Variants in ABR observed in about 807,000 individuals in gnomAD.
The protein encoded by ABR is ABR activator of RhoGEF and GTPase, also known as active breakpoint cluster region-related protein.
A neutral mutation model predicts 107.2 loss-of-function variants in ABR; 35 were observed. The ratio of observed to expected loss-of-function variants is 0.33; its 90% confidence interval spans 0.25 to 0.43. ABR has a LOEUF of 0.43. Ranked by LOEUF, ABR falls within the 20% of genes least tolerant of loss-of-function variation. The pLI is 1.00. For synonymous variants in ABR, 498 were observed against 462.0 expected (o/e 1.08, Z -1.00); for missense variants, 815 against 1,115.2 (o/e 0.73, Z 3.83).
intron 1 of ABR, among the ~76,000 whole-genome samples, chr17:1,161,644 T>C (rs2041298901): frequency 6.6e-6 from 1 of 151,068 alleles, no homozygotes; most frequent in African/African-American, 2.4e-5. Context: ...AATCTCCGCC[T>C]CCAGGGTTCA....
At chr17:1,107,906 T>G (rs1364121573) in intron 2 of ABR, among the ~76,000 whole-genome samples, 1 of 152,206 alleles carries the variant, frequency 6.6e-6, no homozygotes, top group Non-Finnish European at 1.5e-5. Context: ...TTACCTCCAT[T>G]GGCTCCTCCT....
At chr17:1,118,511 T>TC (rs2039165216) in intron 2 of ABR, among the ~76,000 whole-genome samples, 1 of 16,300 alleles carries the variant, frequency 6.1e-5, no homozygotes, top group East Asian at 1.0e-3. Flanking sequence ...CCTGAGTTCC[T>TC]CCCAGCGTTA....
chr17:1,118,334 GTCCTCCCAGCATTATCCCTGAGCCTGAGT>G (rs2039148268), intron 2 of ABR, among the ~76,000 whole-genome samples: 8 of 23,794 alleles, frequency 3.4e-4, no homozygotes, highest in East Asian at 8.4e-4. Flanking sequence ...CTGAGCCTGA[GTCCTCCCAGCATTATCCCTGAGCCTGAGT>G]TCCTCCCAGC....
At chr17:1,057,307 TTTGTGTGTGTGTGTGTGTG>T (rs1567668730) in intron 12 of ABR, among the ~76,000 whole-genome samples, 1 of 12,942 alleles carries the variant, frequency 7.7e-5, no homozygotes, top group East Asian at 5.9e-3. Flanking sequence ...ACTGAAGAGG[TTTGTGTGTGTGTGTGTGTG>T]TGTGTGTGTG....
intron 16 of ABR, among the ~76,000 whole-genome samples, chr17:1,015,747 C>G (rs1310653988): frequency 6.6e-6 from 1 of 152,168 alleles, no homozygotes; most frequent in Non-Finnish European, 1.5e-5. Context: ...CGTGAGCCAC[C>G]GCGCCTGGCC....
Position 1,070,044 on chromosome 17 carries a change from C to T in ABR, c.941G>A (p.Ser314Asn). ...KDGFLVEVSE[S>N]SRKLRHVFLF... Reference sequence around the variant, plus strand: ...GAAGACGTGCCGCAGCTTCCGGGAGCTCTCTGACACTTCCACCAGGAAGCC... The same window carrying T: ...GAAGACGTGCCGCAGCTTCCGGGAGTTCTCTGACACTTCCACCAGGAAGCC... Residue 314 changes from serine to asparagine, a missense_variant, in exon 9 of 23, where the codon AGC becomes AAC. By Grantham distance (46) the Ser-to-Asn change is conservative. Around this residue, in one of 5 missense-constraint regions of ABR, gnomAD observed 385 missense variants for 596.9 expected, o/e 0.64. Coordinates refer to ENST00000302538, the MANE Select transcript of ABR (RefSeq NM_021962.5). This position sits in a 1 kb window ranked among gnomAD's most constrained non-coding sequence, Gnocchi z 4.2. The T allele has an allele frequency of 6.2e-7, 1 of 1,613,726 alleles. No homozygotes were observed.
chr17:1,101,883 G>A lies in ABR; in HGVS notation c.247-1148C>T, dbSNP rs550670608. On this transcript the variant is annotated intron_variant, in intron 2 of 22. Transcript: ENST00000302538. ...CGAGTAGCTGGGACTACAGGCTCCCGCCACCACGCCCAGCTAACTTTTTGT... is the reference window on the plus strand; with the variant it reads ...CGAGTAGCTGGGACTACAGGCTCCCACCACCACGCCCAGCTAACTTTTTGT... Among the ~76,000 whole-genome samples the A allele has an allele frequency of 5.0e-3, 758 of 151,990 alleles. 5 individuals are homozygous for A. Among genetic ancestry groups the A allele is most frequent in the African/African-American group, 0.017 (691 of 41,470 alleles).
At chr17:1,213,627 G>A (rs1002372033) in intron 1 of ABR, among the ~76,000 whole-genome samples, 40 of 152,130 alleles carry the variant, frequency 2.6e-4, no homozygotes, top group Admixed American at 8.5e-4. Flanking sequence ...TCCTGACCTC[G>A]TGACTCACCC....
chr17:1,044,739 C>T (rs756949784), intron 16 of ABR, among the ~76,000 whole-genome samples: 8 of 152,122 alleles, frequency 5.3e-5, no homozygotes, highest in South Asian at 2.1e-4. Context: ...TGCAGCTCCC[C>T]GCCACCCCTG....
At chr17:1,031,604 T>G (rs1157440634) in intron 16 of ABR, 2 of 1,199,476 alleles carry the variant, frequency 1.7e-6, no homozygotes, top group African/African-American at 3.2e-5. Flanking sequence ...GCACCTTGTT[T>G]CGGAGCAGCT....
chr17:1,041,020 C>A (rs375739428), intron 16 of ABR, among the ~76,000 whole-genome samples: 3 of 152,248 alleles, frequency 2.0e-5, no homozygotes, highest in East Asian at 3.9e-4. Context: ...TCCTGGTTCA[C>A]ACCATTCTCC....
Position 1,071,848 on chromosome 17 carries a change from G to T in ABR, c.894+766C>A, listed in dbSNP as rs2035265666. On this transcript the variant is annotated intron_variant, in intron 8 of 22. Transcript: ENST00000302538. The surrounding 1 kb of genome is among the most constrained non-coding windows in gnomAD (Gnocchi z 5.1). The stretch of plus-strand genomic sequence containing the variant: ...CCAGCTCTGACACCAGTGGCTGAAA[G>T]ACTGCGTGGTGGACCTGGAGAGACT... 6.6e-6 allele frequency among the ~76,000 whole-genome samples: 1 copy of T among 152,276 alleles called. No homozygotes were observed. The highest frequency in any genetic ancestry group is 1.5e-5 in the Non-Finnish European group (1 of 68,046).
intron 1 of ABR, among the ~76,000 whole-genome samples, chr17:1,164,942 G>A (rs566928319): frequency 1.3e-5 from 2 of 152,146 alleles, no homozygotes; most frequent in Non-Finnish European, 2.9e-5. Context: ...AGCCATATGG[G>A]ATATACTTAT....
chr17:1,032,661 C>CAGAGGACGCCACGGGCAACCACCCG (rs1407110844), intron 16 of ABR, among the ~76,000 whole-genome samples: 18 of 148,950 alleles, frequency 1.2e-4, no homozygotes, highest in African/African-American at 2.2e-4. Context: ...GTGCTGGGCG[C>CAGAGGACGCCACGGGCAACCACCCG]CTTGAGAGAG....
intron 16 of ABR, among the ~76,000 whole-genome samples, chr17:1,044,442 G>T (rs2031239437): frequency 1.3e-5 from 2 of 152,150 alleles, no homozygotes. Context: ...CTGAGCTCAG[G>T]AGTTTGAGAC....
intron 16 of ABR, among the ~76,000 whole-genome samples, chr17:1,022,978 C>T (rs1431394526): frequency 6.6e-6 from 1 of 152,242 alleles, no homozygotes; most frequent in Non-Finnish European, 1.5e-5. Context: ...TCCATTCTAG[C>T]ACCTCTGCCT....
At chr17:1,128,885 G>A (rs2039707679) in intron 1 of ABR, among the ~76,000 whole-genome samples, 1 of 134,534 alleles carries the variant, frequency 7.4e-6, no homozygotes, top group African/African-American at 2.9e-5. Flanking sequence ...GGGAGTCCAG[G>A]TCACTGAGGG....
intron 10 of ABR, among the ~76,000 whole-genome samples, chr17:1,066,857 C>G (rs1182743095): frequency 2.6e-5 from 4 of 152,112 alleles, no homozygotes; most frequent in African/African-American, 9.7e-5. Context: ...TCGTGTTCAA[C>G]ATGCACTGCT....
At position 1,078,724 on chromosome 17, in the gene ABR, T is replaced by C; in HGVS notation, c.700+606A>G. ...CGCCCACCCTCCTTCCCTGCGGCCCTCTAACCTCCCCGGCCACATCTAAGC... is the reference window on the plus strand; with the variant it reads ...CGCCCACCCTCCTTCCCTGCGGCCCCCTAACCTCCCCGGCCACATCTAAGC... On this transcript the variant is annotated intron_variant, in intron 6 of 22. Coordinates refer to ENST00000302538, the MANE Select transcript of ABR (RefSeq NM_021962.5). The surrounding 1 kb of genome is among the most constrained non-coding windows in gnomAD (Gnocchi z 7.5). 7.2e-7 allele frequency: 1 copy of C among 1,392,344 alleles called. No individual in the cohort carries two copies. The highest frequency in any genetic ancestry group is 1.8e-4 in the Middle Eastern group (1 of 5,620). 86.2% of individuals were successfully genotyped at this position (1,392,344 alleles called of 1,614,324 possible).
Sources: allele counts gnomAD v4.1 joint callset (sites outside exome capture counted in the v4.1 genomes callset), GRCh38; gene constraint gnomAD v4.1.1; regional missense constraint gnomAD v4.1.1; non-coding constraint Gnocchi (gnomAD v3.1); transcripts MANE v1.5; gene names NCBI Gene and HGNC (gene_info 2026-07-23, HGNC 2026-07-21).